MYO9A: variants seen among roughly 807,000 people sequenced by gnomAD.
The protein encoded by MYO9A is unconventional myosin-IXa.
Under a neutral mutation model 293.3 loss-of-function variants are expected in MYO9A, and 103 were observed. That is an observed-to-expected ratio of 0.35 (90% confidence interval 0.30 to 0.41). The LOEUF is 0.41. Ranked by LOEUF, MYO9A falls within the 10% of genes least tolerant of loss-of-function variation. The pLI is 1.00. For synonymous variants in MYO9A, 1,001 were observed against 1,035.7 expected (o/e 0.97, Z 0.64); for missense variants, 2,685 against 3,033.0 (o/e 0.89, Z 2.69).
chr15:72,103,631 G>T (rs1269664110), intron 1 of MYO9A, among the ~76,000 whole-genome samples: 1 of 15,806 alleles, frequency 6.3e-5, no homozygotes, highest in Non-Finnish European at 5.3e-4. Context: ...AGAAGCAGAA[G>T]AAGAAACAGA....
At chr15:71,928,062 T>A (rs1335831329) in intron 18 of MYO9A, among the ~76,000 whole-genome samples, 198 of 7,954 alleles carry the variant, frequency 0.025, no homozygotes, top group Non-Finnish European at 0.052. Context: ...ATATATTTTT[T>A]TTTTTTTTTT....
intron 28 of MYO9A, among the ~76,000 whole-genome samples, chr15:71,881,989 G>C (rs2056885320): frequency 6.6e-6 from 1 of 152,106 alleles, no homozygotes; most frequent in Non-Finnish European, 1.5e-5. Context: ...TTTCTCAACT[G>C]ATAGAAGCAA....
chr15:71,983,510 T>C (rs1320022306), intron 11 of MYO9A, among the ~76,000 whole-genome samples: 1 of 140,032 alleles, frequency 7.1e-6, no homozygotes, highest in Non-Finnish European at 1.5e-5. Context: ...GGAGTCTCGC[T>C]CTGTCACCCA....
intron 16 of MYO9A, among the ~76,000 whole-genome samples, chr15:71,935,865 C>T (rs2058625787): frequency 1.3e-5 from 2 of 151,290 alleles, no homozygotes; most frequent in South Asian, 4.2e-4. Context: ...ACTATCCCAT[C>T]CTATGGAATA....
At chr15:71,922,034 G>C (rs2058168918) in intron 18 of MYO9A, among the ~76,000 whole-genome samples, 1 of 151,996 alleles carries the variant, frequency 6.6e-6, no homozygotes. Flanking sequence ...CTGGAGTGCA[G>C]TGGCGCGATC....
chr15:71,824,822 T>G lies in MYO9A; in HGVS notation c.*1758A>C, dbSNP rs1035245633. Reference sequence around the variant, plus strand: ...AGGGAGAGGTAAGACTCCTGCTACCTTTAGCTGCCACTCAGAATTATGCTC... The same window carrying G: ...AGGGAGAGGTAAGACTCCTGCTACCGTTAGCTGCCACTCAGAATTATGCTC... On this transcript the variant is annotated 3_prime_UTR_variant, in exon 42 of 42. Transcript: ENST00000356056. 3.3e-5 allele frequency: 5 copies of G among 152,186 alleles called. No individual in the cohort carries two copies. Among genetic ancestry groups the G allele is most frequent in the African/African-American group, 1.2e-4 (5 of 41,440 alleles). The allele number at this position is 152,186 out of a possible 1,614,324, so 9.4% of individuals were successfully genotyped here.
chr15:71,877,955 A>C, intron 31 of MYO9A, 85 bp downstream of exon 31: 1 of 1,253,060 alleles, frequency 8.0e-7, no homozygotes, highest in Non-Finnish European at 1.1e-6. Context: ...TTTTTCTCAA[A>C]TTTCTCAAAT....
intron 6 of MYO9A, among the ~76,000 whole-genome samples, chr15:72,015,694 T>G (rs1211230719): frequency 1.3e-5 from 2 of 148,650 alleles, no homozygotes; most frequent in African/African-American, 5.0e-5. Flanking sequence ...TTTTTTTTTT[T>G]TTTTTTTTTT....
chr15:72,111,638 ATTTT>A (rs11286964), intron 1 of MYO9A, among the ~76,000 whole-genome samples: 1 of 135,452 alleles, frequency 7.4e-6, no homozygotes, highest in African/African-American at 2.7e-5. Flanking sequence ...ATTACCCCCA[ATTTT>A]TTTTTTTTTT....
chr15:71,902,108 T>A (rs909205684), intron 22 of MYO9A, among the ~76,000 whole-genome samples: 1 of 151,942 alleles, frequency 6.6e-6, no homozygotes, highest in Non-Finnish European at 1.5e-5. Context: ...AGGAAGATGG[T>A]AAACTAATAA....
chr15:71,883,309 TG>T (rs2056926881), intron 28 of MYO9A, among the ~76,000 whole-genome samples: 1 of 152,230 alleles, frequency 6.6e-6, no homozygotes, highest in African/African-American at 2.4e-5. Context: ...GAATGAATAA[TG>T]GCTACATTTT....
At chr15:72,094,435 G>A (rs1440652621) in intron 1 of MYO9A, among the ~76,000 whole-genome samples, 5 of 91,182 alleles carry the variant, frequency 5.5e-5, no homozygotes, top group African/African-American at 1.3e-4. Flanking sequence ...TCTTCTAACA[G>A]CATGTGCTCA....
At chr15:72,116,609 C>A (rs1015667064) in intron 1 of MYO9A, among the ~76,000 whole-genome samples, 1 of 152,072 alleles carries the variant, frequency 6.6e-6, no homozygotes, top group Non-Finnish European at 1.5e-5. Context: ...ATTTTTCTAG[C>A]AAATCCAAAA....
chr15:72,031,465 A>T (rs896703982), intron 3 of MYO9A, among the ~76,000 whole-genome samples: 3 of 152,190 alleles, frequency 2.0e-5, no homozygotes, highest in Admixed American at 1.3e-4. Context: ...CAGCCTGGGC[A>T]ACTGAGTGAG....
At chr15:72,088,170 T>C (rs559731678) in intron 1 of MYO9A, among the ~76,000 whole-genome samples, 44 of 152,348 alleles carry the variant, frequency 2.9e-4, no homozygotes, top group African/African-American at 1.1e-3. Context: ...AATAAATTTT[T>C]GTTTTTTAAG....
At chr15:71,974,724 C>A (rs1292841966) in intron 12 of MYO9A, among the ~76,000 whole-genome samples, 2 of 152,152 alleles carry the variant, frequency 1.3e-5, no homozygotes, top group Non-Finnish European at 2.9e-5. Flanking sequence ...AGAGTGAATG[C>A]AACTACTACT....
chr15:71,907,977 T>C (rs200493537), intron 19 of MYO9A, among the ~76,000 whole-genome samples: 1 of 152,242 alleles, frequency 6.6e-6, no homozygotes, highest in African/African-American at 2.4e-5. Context: ...TTTTGGCTTT[T>C]GTTGCCATTG....
chr15:71,892,649 G>A (rs1266431408), intron 26 of MYO9A: 1 of 187,068 alleles, frequency 5.3e-6, no homozygotes, highest in Non-Finnish European at 1.1e-5. Flanking sequence ...GACCCACAAA[G>A]TCTAAAATAT....
chr15:71,914,413 A>T (rs1037482548), intron 19 of MYO9A, among the ~76,000 whole-genome samples: 16 of 152,202 alleles, frequency 1.1e-4, no homozygotes, highest in African/African-American at 3.6e-4. Context: ...CATTTTCATG[A>T]AAATAAGCAT....
Sources: allele counts gnomAD v4.1 joint callset (sites outside exome capture counted in the v4.1 genomes callset), GRCh38; gene constraint gnomAD v4.1.1; transcripts MANE v1.5; gene names NCBI Gene and HGNC (gene_info 2026-07-23, HGNC 2026-07-21).